The following POLB variants were observed in gnomAD, a reference collection of about 807,000 sequenced individuals.
The protein encoded by POLB is 5'-dRP lyase.
In POLB, 37 loss-of-function variants were observed where a neutral mutation model predicts 52.7. The observed-to-expected ratio is 0.70, with a 90% CI of 0.54 to 0.92. The LOEUF (loss-of-function observed/expected upper bound fraction) is 0.92. Ranked by LOEUF, POLB falls within the 40% of genes least tolerant of loss-of-function variation. The probability of loss-of-function intolerance (pLI) is 0.00; values close to 1 mark genes in which losing one functional copy is unlikely to be tolerated. For synonymous variants in POLB, 138 were observed against 131.3 expected (o/e 1.05, Z -0.35); for missense variants, 313 against 400.8 (o/e 0.78, Z 1.87).
At chr8:42,368,310 C>T (rs537316028) in intron 11 of POLB, among the ~76,000 whole-genome samples, 1 of 152,254 alleles carries the variant, frequency 6.6e-6, no homozygotes, top group Non-Finnish European at 1.5e-5. Context: ...AGGTAGGTTT[C>T]ATATTTTGAA....
intron 2 of POLB, chr8:42,342,291 C>T: frequency 6.5e-7 from 1 of 1,535,930 alleles, no homozygotes; most frequent in African/African-American, 1.4e-5. Flanking sequence ...AGATCTTGTC[C>T]ATGCCAAACC....
chr8:42,360,764 G>A (rs1480528632), intron 9 of POLB, among the ~76,000 whole-genome samples: 2 of 150,814 alleles, frequency 1.3e-5, no homozygotes, highest in Non-Finnish European at 3.0e-5. Context: ...AAAAAAAAAA[G>A]AGAGTGCCTG....
rs546832591 is a variant in POLB at position 42,371,415 on chromosome 8, A to G, written c.914-148A>G. ...TGGGATTACAGGCGTGAGCTACCAC[A>G]TCCGCCGGTCTTTTTTTTTTTAGTG... On this transcript the variant is annotated intron_variant, in intron 13 of 13. Transcript: ENST00000265421. The G allele has an allele frequency of 7.1e-6, 3 of 419,610 alleles. No individual in the cohort carries two copies. In the East Asian group the frequency reaches 1.2e-4, roughly 17 times the overall value. The allele number at this position is 419,610 out of a possible 1,614,324, so 26.0% of individuals were successfully genotyped here.
At chr8:42,371,163 G>T (rs1307328213) in intron 13 of POLB, among the ~76,000 whole-genome samples, 3 of 152,094 alleles carry the variant, frequency 2.0e-5, no homozygotes, top group Non-Finnish European at 4.4e-5. Flanking sequence ...CGCTCTTGTT[G>T]CCCAGGCTGG....
At position 42,366,574 on chromosome 8, in the gene POLB, T is replaced by C. The variant is rs576433936; in HGVS notation, c.709-2697T>C. 5.3e-5 allele frequency among the ~76,000 whole-genome samples: 8 copies of C among 152,328 alleles called. No individual in the cohort carries two copies. The South Asian group carries it at 1.7e-3, about 32-fold the overall frequency. ...AAATACCGTAGTTGAGCATGCTGTT[T>C]TGACATTTGTAATCATTGTTAGGAA... On this transcript the variant is annotated intron_variant, in intron 11 of 13. Coordinates refer to ENST00000265421, the MANE Select transcript of POLB (RefSeq NM_002690.3).
chr8:42,354,297 A>G (rs1031226731), intron 6 of POLB: 1 of 389,658 alleles, frequency 2.6e-6, no homozygotes, highest in East Asian at 7.2e-5. Context: ...TCTATATTTC[A>G]TAAAGATGCT....
chr8:42,371,567 T>C lies in POLB; in HGVS notation c.918T>C (p.Val306=). 1 of 1,596,216 alleles carries C rather than the reference T, an allele frequency of 6.3e-7. No homozygotes were observed. Among genetic ancestry groups the C allele is most frequent in the Non-Finnish European group, 8.6e-7 (1 of 1,164,020 alleles). Residue 306 remains valine (V), a synonymous_variant, in exon 14 of 14, where the codon GTT becomes GTC. Transcript: ENST00000265421. ...TTTTTCTCTCTGTACTTGCAGGAGT[T>C]GCAGGAGAACCCCTGCCAGTGGATA... ...YTIRPLGVTG[V]AGEPLPVDSE... is the part of the protein sequence containing the mutation.
At chr8:42,344,860 C>A in intron 2 of POLB, 93 bp from the exon 3 acceptor site, 1 of 774,240 alleles carries the variant, frequency 1.3e-6, no homozygotes, top group South Asian at 1.5e-5. Context: ...AAAGCATAAG[C>A]ATAGATATTT....
chr8:42,341,111 G>T (rs1229610546), intron 2 of POLB, among the ~76,000 whole-genome samples: 3 of 152,208 alleles, frequency 2.0e-5, no homozygotes, highest in African/African-American at 7.2e-5. Context: ...TACCACTCCT[G>T]CATGCTCCTC....
chr8:42,349,880 G>C, intron 4 of POLB, 127 bp from the exon 5 acceptor site: 2 of 669,126 alleles, frequency 3.0e-6, no homozygotes, highest in Non-Finnish European at 5.4e-6. Flanking sequence ...GAATAATTTT[G>C]TGTGGGTCAC....
chr8:42,369,987 T>C lies in POLB; in HGVS notation c.912T>C (p.Thr304=). Residue 304 remains threonine, a splice_region_variant and synonymous_variant, in exon 13 of 14, where the codon ACT becomes ACC. Transcript: ENST00000265421. ...NEYTIRPLGV[T]GVAGEPLPVD... ...ACACCATCCGTCCCTTGGGAGTCAC[T>C]GGTGAGTGTCCATGTGTGTATTAGA... The C allele has an allele frequency of 1.2e-6, 2 of 1,605,826 alleles. No homozygotes were observed. Among genetic ancestry groups the C allele is most frequent in the South Asian group, 2.2e-5 (2 of 90,810 alleles).
At chr8:42,356,637 C>T (rs1823334142) in intron 7 of POLB, among the ~76,000 whole-genome samples, 2 of 151,980 alleles carry the variant, frequency 1.3e-5, no homozygotes, top group African/African-American at 2.4e-5. Flanking sequence ...GGCAGCTGCT[C>T]ATCTACTTTC....
Position 42,355,510 on chromosome 8 carries a change from A to G in POLB, c.371-6A>G, listed in dbSNP as rs573070818. 120 of 1,526,190 alleles carry G rather than the reference A, an allele frequency of 7.9e-5. 2 individuals are homozygous for G. In the South Asian group the frequency reaches 1.2e-3, roughly 16 times the overall value. The allele number at this position is 1,526,190 out of a possible 1,614,324, so 94.5% of individuals were successfully genotyped here. A position where few individuals can be genotyped will look rare whatever the true frequency, so the allele number is the denominator to read the frequency against. On this transcript the variant is annotated splice_region_variant and splice_polypyrimidine_tract_variant and intron_variant, in intron 6 of 13. Transcript: ENST00000265421. Reference sequence around the variant, plus strand: ...AACATGTCAACTTTATTTATCTTCTATACAGATCTCAGAAAAAATGAAGAT... The same window carrying G: ...AACATGTCAACTTTATTTATCTTCTGTACAGATCTCAGAAAAAATGAAGAT...
At chr8:42,349,159 G>T in intron 4 of POLB, 69 bp downstream of exon 4, 2 of 836,900 alleles carry the variant, frequency 2.4e-6, no homozygotes, top group Admixed American at 2.1e-5. Context: ...TAGCGTCATT[G>T]CAGGGTGACC....
chr8:42,353,271 G>A (rs532649713), intron 6 of POLB, among the ~76,000 whole-genome samples: 7 of 150,562 alleles, frequency 4.6e-5, no homozygotes, highest in Admixed American at 4.6e-4. Flanking sequence ...ACCACACCCG[G>A]CTAATTTTTT....
rs747992233 is a variant in POLB, at chr8:42,345,034, C to T, written c.186+15C>T. 6.3e-7 allele frequency: 1 copy of T among 1,583,748 alleles called. No individual in the cohort carries two copies. The highest frequency in any genetic ancestry group is 1.1e-5 in the South Asian group (1 of 90,430). On this transcript the variant is annotated intron_variant, in intron 3 of 13. Transcript: ENST00000265421. ...CTAAGAAATTGGTAAGTTTAGTTAG[C>T]ATGTTGATCGAAGAGTTCACACGTG...
At chr8:42,356,079 C>T (rs2130818934) in intron 7 of POLB, among the ~76,000 whole-genome samples, 1 of 152,290 alleles carries the variant, frequency 6.6e-6, no homozygotes, top group South Asian at 2.1e-4. Context: ...ATTTTGTGTG[C>T]CAGATATAGT....
intron 10 of POLB, 114 bp downstream of exon 10, chr8:42,361,479 T>C (rs1823678424): frequency 3.9e-6 from 3 of 760,488 alleles, no homozygotes; most frequent in Non-Finnish European, 6.9e-6. Flanking sequence ...TCCTGAAAAG[T>C]CTGAAGAGCT....
chr8:42,370,668 A>G (rs529237033), intron 13 of POLB, among the ~76,000 whole-genome samples: 100 of 152,274 alleles, frequency 6.6e-4, no homozygotes, highest in African/African-American at 2.3e-3. Context: ...AGGATTCTGC[A>G]TTTCTAGTAA....
Sources: allele counts gnomAD v4.1 joint callset (sites outside exome capture counted in the v4.1 genomes callset), GRCh38; gene constraint gnomAD v4.1.1; transcripts MANE v1.5; gene names NCBI Gene and HGNC (gene_info 2026-07-23, HGNC 2026-07-21).